The following MACROD2 variants were observed in gnomAD, a reference collection of about 807,000 sequenced individuals.
MACROD2 encodes mono-ADP ribosylhydrolase 2.
Under a neutral mutation model 70.4 loss-of-function variants are expected in MACROD2, and 36 were observed. The ratio of observed to expected loss-of-function variants is 0.51; its 90% CI spans 0.39 to 0.68. MACROD2 has a LOEUF of 0.68. MACROD2 is among the 30% of genes least tolerant of loss of function. The pLI is 0.00. For missense variants in MACROD2, 496 were observed against 538.4 expected (o/e 0.92, Z 0.78); for synonymous variants, 172 against 178.8 (o/e 0.96, Z 0.30).
chr20:14,868,399 C>T (rs1396779475), intron 5 of MACROD2, among the ~76,000 whole-genome samples: 1 of 151,872 alleles, frequency 6.6e-6, no homozygotes, highest in African/African-American at 2.4e-5. Context: ...CTCTGGAGCT[C>T]AAATGATTCT....
intron 13 of MACROD2, among the ~76,000 whole-genome samples, chr20:15,979,742 AG>A (rs1387617483): frequency 6.6e-6 from 1 of 152,172 alleles, no homozygotes; most frequent in Non-Finnish European, 1.5e-5. Flanking sequence ...GGAGGGTAGG[AG>A]GAGAAGCCAA....
intron 5 of MACROD2, among the ~76,000 whole-genome samples, chr20:14,916,348 G>A (rs1250814154): frequency 1.3e-5 from 2 of 152,160 alleles, no homozygotes. Flanking sequence ...TACAGGGTAC[G>A]GTGAGGGTAG....
chr20:14,199,072 A>G (rs1187001097), intron 3 of MACROD2, among the ~76,000 whole-genome samples: 3 of 151,392 alleles, frequency 2.0e-5, no homozygotes, highest in East Asian at 1.9e-4. Flanking sequence ...TTTAAAAAGC[A>G]TGACATTTGA....
intron 3 of MACROD2, among the ~76,000 whole-genome samples, chr20:14,224,719 T>G (rs2081716170): frequency 6.6e-6 from 1 of 152,224 alleles, no homozygotes; most frequent in African/African-American, 2.4e-5. Context: ...TCATGTTTTG[T>G]AGGGAGGAGA....
At chr20:14,986,763 G>A (rs1206300919) in intron 5 of MACROD2, among the ~76,000 whole-genome samples, 2 of 152,154 alleles carry the variant, frequency 1.3e-5, no homozygotes, top group African/African-American at 4.8e-5. Context: ...TGGCAAAATT[G>A]TCTCTGCCGG....
At chr20:15,870,577 C>T (rs2147179958) in intron 9 of MACROD2, among the ~76,000 whole-genome samples, 1 of 152,216 alleles carries the variant, frequency 6.6e-6, no homozygotes, top group South Asian at 2.1e-4. Flanking sequence ...AGGGTGAGTT[C>T]AGCCTCTTGC....
chr20:14,163,693 T>A (rs574506236), intron 3 of MACROD2, among the ~76,000 whole-genome samples: 1 of 151,570 alleles, frequency 6.6e-6, no homozygotes, highest in East Asian at 2.0e-4. Context: ...ATTAGACCTG[T>A]CTTCAAGTTC....
chr20:14,619,818 G>A (rs1362422139), intron 4 of MACROD2, among the ~76,000 whole-genome samples: 1 of 152,090 alleles, frequency 6.6e-6, no homozygotes, highest in African/African-American at 2.4e-5. Flanking sequence ...AACAACAAAA[G>A]GTTATTTCTT....
intron 2 of MACROD2, among the ~76,000 whole-genome samples, chr20:14,069,922 T>C (rs1037459535): frequency 1.3e-5 from 2 of 151,692 alleles, no homozygotes; most frequent in African/African-American, 4.8e-5. Flanking sequence ...GGCTAGTATA[T>C]TGGAGAATGA....
intron 6 of MACROD2, among the ~76,000 whole-genome samples, chr20:15,314,201 CT>C: frequency 6.6e-6 from 1 of 152,146 alleles, no homozygotes; most frequent in South Asian, 2.1e-4. Context: ...CAAGTAAAAG[CT>C]GTCAGAATCA....
At chr20:14,531,191 C>A (rs2085299257) in intron 4 of MACROD2, among the ~76,000 whole-genome samples, 1 of 152,138 alleles carries the variant, frequency 6.6e-6, no homozygotes, top group Non-Finnish European at 1.5e-5. Flanking sequence ...ATGTCCATAT[C>A]CTAACCTCTG....
intron 4 of MACROD2, among the ~76,000 whole-genome samples, chr20:14,555,244 C>A (rs918633985): frequency 6.6e-6 from 1 of 152,024 alleles, no homozygotes; most frequent in African/African-American, 2.4e-5. Context: ...AACATATACA[C>A]TATGTACCCC....
At chr20:14,185,526 C>A (rs1305997403) in intron 3 of MACROD2, among the ~76,000 whole-genome samples, 1 of 151,974 alleles carries the variant, frequency 6.6e-6, no homozygotes, top group Non-Finnish European at 1.5e-5. Context: ...TAATACACTG[C>A]TGGATGCTGA....
rs769273379 is a variant in MACROD2 at position 14,600,327 on chromosome 20, C to CATATATATATATATATATATATATAT, written c.302-84499_302-84498insTATATATATATATATATATATATATA. Among the ~76,000 whole-genome samples, 416 of 127,250 alleles carry CATATATATATATATATATATATATAT rather than the reference C, an allele frequency of 3.3e-3. 2 individuals are homozygous for CATATATATATATATATATATATATAT. Among genetic ancestry groups the CATATATATATATATATATATATATAT allele is most frequent in the East Asian group, 0.017 (61 of 3,486 alleles). The allele number at this position is 127,250 out of a possible 152,430, so 83.5% of individuals were successfully genotyped here. ...GTAAAAAGTATGTAATATGCAGCTA[C>CATATATATATATATATATATATATAT]ATATATATATATATATACACACACA... On this transcript the variant is annotated intron_variant, in intron 4 of 17. Coordinates refer to ENST00000684519, the MANE Select transcript of MACROD2 (RefSeq NM_001351661.2).
At chr20:15,739,126 G>A (rs1226176070) in intron 8 of MACROD2, among the ~76,000 whole-genome samples, 1 of 152,148 alleles carries the variant, frequency 6.6e-6, no homozygotes, top group East Asian at 1.9e-4. Context: ...AGGAATGAGA[G>A]ATTAGGTGAA....
intron 8 of MACROD2, among the ~76,000 whole-genome samples, chr20:15,710,965 C>A (rs1600793601): frequency 1.3e-5 from 2 of 152,184 alleles, no homozygotes; most frequent in African/African-American, 4.8e-5. Flanking sequence ...CTGTTTCCTT[C>A]CGCAGCCCTT....
At chr20:15,572,144 CT>C (rs1157274164) in intron 8 of MACROD2, among the ~76,000 whole-genome samples, 3 of 152,154 alleles carry the variant, frequency 2.0e-5, no homozygotes, top group Admixed American at 2.0e-4. Context: ...GAGCTTTTCA[CT>C]GTACAAATAT....
chr20:14,960,239 G>C (rs1265001817), intron 5 of MACROD2, among the ~76,000 whole-genome samples: 2 of 152,088 alleles, frequency 1.3e-5, no homozygotes, highest in Non-Finnish European at 2.9e-5. Context: ...TCCTCAGCCA[G>C]TTCACACCCT....
At chr20:15,891,567 G>C (rs2076643019) in intron 10 of MACROD2, among the ~76,000 whole-genome samples, 1 of 152,202 alleles carries the variant, frequency 6.6e-6, no homozygotes, top group South Asian at 2.1e-4. Context: ...CTACTGTGGT[G>C]ATTCCAAAGG....
Sources: allele counts gnomAD v4.1 joint callset (sites outside exome capture counted in the v4.1 genomes callset), GRCh38; gene constraint gnomAD v4.1.1; transcripts MANE v1.5; gene names NCBI Gene and HGNC (gene_info 2026-07-23, HGNC 2026-07-21).